PCDH15: variants seen among roughly 807,000 people sequenced by gnomAD.
PCDH15 encodes the protein protocadherin-15.
PCDH15 carries 129 observed loss-of-function variants against 178.5 expected under a neutral mutation model. That is an observed-to-expected ratio of 0.72 (90% CI 0.63 to 0.84). PCDH15 has a LOEUF of 0.84. PCDH15 is among the 40% of genes least tolerant of loss of function. PCDH15 has a pLI of 0.00. For synonymous variants in PCDH15, 800 were observed against 732.0 expected, an observed-to-expected ratio of 1.09 and a Z score of -1.50; for missense variants, 2,230 against 2,099.9, an observed-to-expected ratio of 1.06 and a Z score of -1.21.
intron 2 of PCDH15, among the ~76,000 whole-genome samples, chr10:55,498,291 A>G (rs1292052074): frequency 6.6e-6 from 1 of 151,926 alleles, no homozygotes; most frequent in African/African-American, 2.4e-5. Context: ...ACTTGAACCT[A>G]GATAGCTTCT....
At chr10:54,938,619 G>A (rs1034852541) in intron 2 of PCDH15, among the ~76,000 whole-genome samples, 1 of 152,006 alleles carries the variant, frequency 6.6e-6, no homozygotes, top group African/African-American at 2.4e-5. Flanking sequence ...TATAGATTGT[G>A]GTAGACAGAA....
At chr10:55,381,116 G>A (rs968284342) in intron 2 of PCDH15, among the ~76,000 whole-genome samples, 1 of 152,112 alleles carries the variant, frequency 6.6e-6, no homozygotes, top group Non-Finnish European at 1.5e-5. Context: ...GTTGTTGGTT[G>A]TTTACTCTCC....
intron 2 of PCDH15, among the ~76,000 whole-genome samples, chr10:55,539,343 TATC>T (rs985330456): frequency 1.1e-4 from 16 of 152,002 alleles, no homozygotes; most frequent in Admixed American, 2.0e-4. Context: ...TTACTATCAT[TATC>T]ATCATCATTA....
intron 1 of PCDH15, among the ~76,000 whole-genome samples, chr10:55,313,591 T>A (rs1843646468): frequency 6.6e-6 from 1 of 152,202 alleles, no homozygotes; most frequent in African/African-American, 2.4e-5. Flanking sequence ...TTTGAATTAT[T>A]AGGCAAATAA....
At chr10:55,609,710 G>T (rs1224666486) in intron 2 of PCDH15, among the ~76,000 whole-genome samples, 2 of 151,870 alleles carry the variant, frequency 1.3e-5, no homozygotes, top group Non-Finnish European at 2.9e-5. Flanking sequence ...TTAACATTAG[G>T]CTTATGCTCA....
chr10:55,239,889 A>T (rs147892204), intron 1 of PCDH15, among the ~76,000 whole-genome samples: 3 of 152,314 alleles, frequency 2.0e-5, no homozygotes, highest in African/African-American at 7.2e-5. Flanking sequence ...CTGAATAGAC[A>T]TTTCTCTAAA....
At chr10:54,555,736 C>CAAAAAAAAAAAAAAAAAGAAAA (rs2087148642) in intron 2 of PCDH15, among the ~76,000 whole-genome samples, 1 of 73,398 alleles carries the variant, frequency 1.4e-5, no homozygotes, top group Non-Finnish European at 2.7e-5. Flanking sequence ...GACTCTGTCT[C>CAAAAAAAAAAAAAAAAAGAAAA]AAAAAAAAAA....
intron 22 of PCDH15, among the ~76,000 whole-genome samples, chr10:53,960,236 G>T (rs1343709311): frequency 6.6e-6 from 1 of 152,112 alleles, no homozygotes; most frequent in Non-Finnish European, 1.5e-5. Flanking sequence ...ACTTATTTAA[G>T]AAGTGTTAAA....
intron 2 of PCDH15, among the ~76,000 whole-genome samples, chr10:54,580,204 A>G (rs182843561): frequency 2.4e-3 from 372 of 152,166 alleles, no homozygotes; most frequent in African/African-American, 8.4e-3. Flanking sequence ...GAAAGCATAA[A>G]CAAGAGAGAT....
chr10:54,098,121 C>T (rs2094734011), intron 15 of PCDH15, among the ~76,000 whole-genome samples: 3 of 151,726 alleles, frequency 2.0e-5, no homozygotes, highest in Non-Finnish European at 2.9e-5. Flanking sequence ...ACCCCACATG[C>T]TTTTTACCTA....
At chr10:55,524,059 C>CTT (rs35312025) in intron 2 of PCDH15, among the ~76,000 whole-genome samples, 3,086 of 145,122 alleles carry the variant, frequency 0.021, 46 homozygotes, top group Non-Finnish European at 0.038. Flanking sequence ...ATGTAAAAAC[C>CTT]TTTTTTTTTT....
At chr10:54,648,784 A>T (rs1440494078) in intron 2 of PCDH15, among the ~76,000 whole-genome samples, 1 of 152,178 alleles carries the variant, frequency 6.6e-6, no homozygotes, top group Non-Finnish European at 1.5e-5. Flanking sequence ...AGCATAAAGC[A>T]TTATTAATAT....
Position 55,454,744 on chromosome 10 carries a change from C to T in PCDH15, c.-156+172881G>A, listed in dbSNP as rs189393997. Among the ~76,000 whole-genome samples the T allele has an allele frequency of 4.7e-3, 678 of 145,066 alleles. 7 individuals are homozygous for T. The highest frequency in any genetic ancestry group is 0.017 in the African/African-American group (648 of 38,936). ...AGCTTGCAGTGAGCCGAGATTGCAC[C>T]ACTGCACTCCAGCCTGGGCAACAGA... is the stretch of plus-strand genomic sequence containing the variant. On this transcript the variant is annotated intron_variant, in intron 2 of 5. Transcript: ENST00000613346.
chr10:55,429,595 C>A (rs1053121524), intron 2 of PCDH15, among the ~76,000 whole-genome samples: 3 of 152,094 alleles, frequency 2.0e-5, no homozygotes, highest in African/African-American at 7.2e-5. Context: ...TGATGTACTG[C>A]AATATGGCTA....
intron 1 of PCDH15, among the ~76,000 whole-genome samples, chr10:54,699,651 T>C (rs1023814903): frequency 2.0e-5 from 3 of 152,006 alleles, no homozygotes; most frequent in Admixed American, 1.3e-4. Context: ...AGGACAAAAA[T>C]GGTAATATAA....
intron 3 of PCDH15, among the ~76,000 whole-genome samples, chr10:54,388,111 G>C (rs1384226220): frequency 6.6e-6 from 1 of 152,138 alleles, no homozygotes; most frequent in African/African-American, 2.4e-5. Context: ...ACTCAGATAT[G>C]TTTACATCTG....
At chr10:54,636,265 T>C (rs2093850791) in intron 2 of PCDH15, among the ~76,000 whole-genome samples, 1 of 151,930 alleles carries the variant, frequency 6.6e-6, no homozygotes, top group Non-Finnish European at 1.5e-5. Flanking sequence ...GTGCAATGAA[T>C]ATTAAAAATT....
intron 28 of PCDH15, among the ~76,000 whole-genome samples, chr10:53,855,824 G>T (rs918131202): frequency 6.7e-6 from 1 of 148,752 alleles, no homozygotes; most frequent in Non-Finnish European, 1.5e-5. Context: ...AACCACCATG[G>T]CACATGTATA....
chr10:54,632,476 A>G (rs1209436142), intron 2 of PCDH15, among the ~76,000 whole-genome samples: 2 of 152,132 alleles, frequency 1.3e-5, no homozygotes, highest in Non-Finnish European at 1.5e-5. Flanking sequence ...TGGCATGATA[A>G]ATGTTAAAAA....
Sources: allele counts gnomAD v4.1 joint callset (sites outside exome capture counted in the v4.1 genomes callset), GRCh38; gene constraint gnomAD v4.1.1; transcripts MANE v1.5; gene names NCBI Gene and HGNC (gene_info 2026-07-23, HGNC 2026-07-21).